The following NAP1L4 variants were observed in gnomAD, a reference collection of about 807,000 sequenced individuals.
The protein encoded by NAP1L4 is nucleosome assembly protein 1-like 4.
In NAP1L4, 15 loss-of-function variants were observed where a neutral mutation model predicts 58.2. That is an observed-to-expected ratio of 0.26 (90% CI 0.17 to 0.40). The LOEUF (loss-of-function observed/expected upper bound fraction) is 0.40. Among genes scored for constraint, NAP1L4 ranks in the 10% least tolerant of loss-of-function variants. NAP1L4 has a pLI of 1.00. For missense variants in NAP1L4, 384 were observed against 451.1 expected, an observed-to-expected ratio of 0.85 and a Z score of 1.35; for synonymous variants, 171 against 155.6, an observed-to-expected ratio of 1.10 and a Z score of -0.74.
At chr11:2,968,432 C>T (rs534742070) in intron 7 of NAP1L4, among the ~76,000 whole-genome samples, 331 of 152,206 alleles carry the variant, frequency 2.2e-3, no homozygotes, top group Non-Finnish European at 4.1e-3. Context: ...TCTTAAATTC[C>T]ACCTTTTCAT....
Position 2,971,493 on chromosome 11 carries a change from C to T in NAP1L4, c.357G>A (p.Ala119=), listed in dbSNP as rs765797044. ...FITGDVEPTD[A]ESEWHSENEE... Reference sequence around the variant, plus strand: ...CATTTTCACTGTGCCATTCCGATTCCGCATCTGTTGGTTCAACATCGCCGG... The same window carrying T: ...CATTTTCACTGTGCCATTCCGATTCTGCATCTGTTGGTTCAACATCGCCGG... The change falls in exon 6 of 16, where the codon GCG becomes GCA. Residue 119 remains alanine (A), a synonymous_variant. Coordinates refer to ENST00000380542, the MANE Select transcript of NAP1L4 (RefSeq NM_005969.4). This position sits in a 1 kb window ranked among gnomAD's most constrained non-coding sequence, Gnocchi z 4.2. 14 of 1,613,888 alleles carry T rather than the reference C, an allele frequency of 8.7e-6. No homozygotes were observed. Among genetic ancestry groups the T allele is most frequent in the Middle Eastern group, 3.3e-4 (2 of 6,004 alleles).
intron 1 of NAP1L4, among the ~76,000 whole-genome samples, chr11:2,984,527 C>T (rs199580409): frequency 2.3e-4 from 35 of 152,220 alleles, no homozygotes; most frequent in African/African-American, 7.7e-4. Context: ...GCCGAGATCT[C>T]GCCATTGCAC....
At chr11:2,965,454 T>C (rs913257959) in intron 7 of NAP1L4, among the ~76,000 whole-genome samples, 3 of 152,242 alleles carry the variant, frequency 2.0e-5, no homozygotes, top group African/African-American at 4.8e-5. Flanking sequence ...TATGGTATCA[T>C]AATCTTACAG....
At chr11:2,957,372 CA>C (rs1360915541) in intron 10 of NAP1L4, among the ~76,000 whole-genome samples, 1 of 152,134 alleles carries the variant, frequency 6.6e-6, no homozygotes, top group Non-Finnish European at 1.5e-5. Flanking sequence ...AAATAGGCAC[CA>C]CAATTAAAAT....
chr11:2,968,061 A>C (rs560049599), intron 7 of NAP1L4, among the ~76,000 whole-genome samples: 2 of 152,192 alleles, frequency 1.3e-5, no homozygotes, highest in East Asian at 1.9e-4. Flanking sequence ...CCAACCCTGC[A>C]GTGCAAGAAT....
intron 1 of NAP1L4, among the ~76,000 whole-genome samples, chr11:2,983,454 T>G (rs189105783): frequency 6.6e-6 from 1 of 152,212 alleles, no homozygotes; most frequent in East Asian, 1.9e-4. Flanking sequence ...TAGCCTCAAG[T>G]GATCCTCCCA....
chr11:2,944,442 G>A lies in NAP1L4; in HGVS notation c.*1237C>T, dbSNP rs1358179130. ...CCACATGGCACAGTGCTGACTCAAT[G>A]TTTCACCACTTTAATAGAATATTCT... On this transcript the variant is annotated 3_prime_UTR_variant, in exon 16 of 16. Transcript: ENST00000380542. 1 of 152,288 alleles carries A rather than the reference G, an allele frequency of 6.6e-6. No individual in the cohort carries two copies. Among genetic ancestry groups the A allele is most frequent in the Non-Finnish European group, 1.5e-5 (1 of 68,066 alleles). The allele number at this position is 152,288 out of a possible 1,614,324, so 9.4% of individuals were successfully genotyped here.
chr11:2,955,718 A>AT lies in NAP1L4; in HGVS notation c.915+25dup. On this transcript the variant is annotated intron_variant, in intron 11 of 15. Coordinates refer to ENST00000380542, the MANE Select transcript of NAP1L4 (RefSeq NM_005969.4). This position sits in a 1 kb window ranked among gnomAD's most constrained non-coding sequence, Gnocchi z 4.2. ...ACTCAGGAGAGACTTCAACAGGAAA[A>AT]TAAGACTATTAACAACAAATCTTAC... The AT allele has an allele frequency of 6.2e-7, 1 of 1,608,014 alleles. No individual in the cohort carries two copies. Among genetic ancestry groups the AT allele is most frequent in the East Asian group, 2.2e-5 (1 of 44,870 alleles).
chr11:2,955,776 G>C lies in NAP1L4; in HGVS notation c.893-10C>G. On this transcript the variant is annotated splice_polypyrimidine_tract_variant and intron_variant, in intron 10 of 15. Transcript: ENST00000380542. This position sits in a 1 kb window ranked among gnomAD's most constrained non-coding sequence, Gnocchi z 4.2. ...TCTCCATCCCCGGATGCTAGAAAAA[G>C]AAAAGACAAAACATATTTAAATTAC... 2 of 1,611,968 alleles carry C rather than the reference G, an allele frequency of 1.2e-6. No homozygotes were observed. Among genetic ancestry groups the C allele is most frequent in the Non-Finnish European group, 8.5e-7 (1 of 1,178,764 alleles).
chr11:2,967,340 C>T (rs149676197), intron 7 of NAP1L4, among the ~76,000 whole-genome samples: 3 of 152,290 alleles, frequency 2.0e-5, no homozygotes, highest in Non-Finnish European at 2.9e-5. Flanking sequence ...TGGCCGGGCA[C>T]GGTGGCTCAC....
chr11:2,945,837 G>T (rs867708879), intron 15 of NAP1L4, among the ~76,000 whole-genome samples, 191 bp from the exon 16 acceptor site: 1 of 151,396 alleles, frequency 6.6e-6, no homozygotes, highest in African/African-American at 2.4e-5. Flanking sequence ...TCAAAGCAGG[G>T]TTTTTTTTTG....
chr11:2,969,942 A>G lies in NAP1L4; in HGVS notation c.403-8T>C. The G allele has an allele frequency of 6.2e-7, 1 of 1,609,686 alleles. No homozygotes were observed. Among genetic ancestry groups the G allele is most frequent in the Non-Finnish European group, 8.5e-7 (1 of 1,177,902 alleles). ...TTTACTTTTCATGTCTCCCTAAAAA[A>G]AAGATGCAACATAGGTAACGAAAAT... is the stretch of plus-strand genomic sequence containing the variant. On this transcript the variant is annotated splice_region_variant and splice_polypyrimidine_tract_variant and intron_variant, in intron 6 of 15. Transcript: ENST00000380542.
chr11:2,975,073 C>G (rs1429239372), intron 4 of NAP1L4, among the ~76,000 whole-genome samples: 1 of 151,634 alleles, frequency 6.6e-6, no homozygotes. Context: ...ACTGGGGAAA[C>G]CAGCTGGAAG....
intron 7 of NAP1L4, among the ~76,000 whole-genome samples, chr11:2,965,360 C>A (rs969124443): frequency 6.6e-6 from 1 of 152,214 alleles, no homozygotes; most frequent in Non-Finnish European, 1.5e-5. Flanking sequence ...CAAACCTGAA[C>A]AGCATGGGAC....
chr11:2,969,220 G>A (rs1314633077), intron 7 of NAP1L4, among the ~76,000 whole-genome samples: 1 of 151,902 alleles, frequency 6.6e-6, no homozygotes, highest in East Asian at 1.9e-4. Flanking sequence ...CAAACGATCT[G>A]CCTACCTTGA....
At position 2,962,441 on chromosome 11, in the gene NAP1L4, A is replaced by T. The variant is rs560112070; in HGVS notation, c.606+2239T>A. On this transcript the variant is annotated intron_variant, in intron 8 of 15. Coordinates refer to ENST00000380542, the MANE Select transcript of NAP1L4 (RefSeq NM_005969.4). ...TCCAGGTAGGCAAGCGCTCAAGGGA[A>T]GGGAATGAGGCATGCTGCAAAAACA... Among the ~76,000 whole-genome samples the T allele has an allele frequency of 6.6e-5, 10 of 152,376 alleles. No homozygotes were observed. In the South Asian group the frequency reaches 2.1e-3, roughly 32 times the overall value.
At chr11:2,988,016 C>A (rs1018234257) in intron 1 of NAP1L4, 2 of 152,218 alleles carry the variant, frequency 1.3e-5, no homozygotes, top group Non-Finnish European at 2.9e-5. Flanking sequence ...TCTGAAGACA[C>A]AGAGGAGAAA....
At position 2,948,367 on chromosome 11, in the gene NAP1L4, C is replaced by G. The variant is rs904884999; in HGVS notation, c.*32+860G>C. Among the ~76,000 whole-genome samples, 2 of 152,168 alleles carry G rather than the reference C, an allele frequency of 1.3e-5. No homozygotes were observed. The highest frequency in any genetic ancestry group is 2.9e-5 in the Non-Finnish European group (2 of 68,034). ...GACGAGACCCTTAAAAACGGAGTGCCTACTTATCCTGGCATGCAGAGGCCC... is the reference window on the plus strand; with the variant it reads ...GACGAGACCCTTAAAAACGGAGTGCGTACTTATCCTGGCATGCAGAGGCCC... On this transcript the variant is annotated intron_variant, in intron 15 of 15. Transcript: ENST00000380542. The surrounding 1 kb of genome is among the most constrained non-coding windows in gnomAD (Gnocchi z 5.1).
At position 2,971,424 on chromosome 11, in the gene NAP1L4, A is replaced by G; in HGVS notation, c.402+24T>C. On this transcript the variant is annotated intron_variant, in intron 6 of 15. Transcript: ENST00000380542. The surrounding 1 kb of genome is among the most constrained non-coding windows in gnomAD (Gnocchi z 4.2). ...TTTAACAGTATTAAAACAGAACATGAGTCACATGTTTCTAAAGACTTACAG... is the reference window on the plus strand; with the variant it reads ...TTTAACAGTATTAAAACAGAACATGGGTCACATGTTTCTAAAGACTTACAG... The G allele has an allele frequency of 6.3e-7, 1 of 1,581,544 alleles. No homozygotes were observed. The highest frequency in any genetic ancestry group is 8.7e-7 in the Non-Finnish European group (1 of 1,151,910).
Sources: allele counts gnomAD v4.1 joint callset (sites outside exome capture counted in the v4.1 genomes callset), GRCh38; gene constraint gnomAD v4.1.1; non-coding constraint Gnocchi (gnomAD v3.1); transcripts MANE v1.5; gene names NCBI Gene and HGNC (gene_info 2026-07-23, HGNC 2026-07-21).